Variants in CEP41 observed in about 807,000 individuals in gnomAD.
CEP41 encodes centrosomal protein 41.
A neutral mutation model predicts 44.3 loss-of-function variants in CEP41; 32 were observed. The ratio of observed to expected loss-of-function variants is 0.72; its 90% CI spans 0.54 to 0.97. CEP41 has a LOEUF of 0.97. Ranked by LOEUF, CEP41 falls within the 50% of genes least tolerant of loss-of-function variation. The probability of loss-of-function intolerance (pLI) is 0.00; values close to 1 mark genes in which losing one functional copy is unlikely to be tolerated. For synonymous variants in CEP41, 151 were observed against 168.5 expected (o/e 0.90, Z 0.80); for missense variants, 432 against 455.2 (o/e 0.95, Z 0.46).
In CEP41 at chr7:130,396,219, G is replaced by C. The variant is rs1554414461; in HGVS notation, c.*2672C>G. On this transcript the variant is annotated 3_prime_UTR_variant, in exon 11 of 11. Transcript: ENST00000223208. Reference sequence around the variant, plus strand: ...GTTGTACATCGATGAAGCACCTTCTGTCTCAGGGTTCACAAGCCCCAGACA... The same window carrying C: ...GTTGTACATCGATGAAGCACCTTCTCTCTCAGGGTTCACAAGCCCCAGACA... 2 of 453,858 alleles carry C rather than the reference G, an allele frequency of 4.4e-6. No homozygotes were observed. The highest frequency in any genetic ancestry group is 2.0e-5 in the African/African-American group (1 of 49,948). The allele number at this position is 453,858 out of a possible 1,614,324, so 28.1% of individuals were successfully genotyped here.
chr7:130,422,046 C>G, intron 2 of CEP41: 1 of 1,534,434 alleles, frequency 6.5e-7, no homozygotes, highest in Non-Finnish European at 8.7e-7. Context: ...CAAAATAATT[C>G]TGAGATTTCT....
At chr7:130,408,311 A>AT (rs1359551017) in intron 5 of CEP41, among the ~76,000 whole-genome samples, 12 of 152,114 alleles carry the variant, frequency 7.9e-5, no homozygotes, top group Admixed American at 7.2e-4. Flanking sequence ...ACTAATCAAG[A>AT]TTTTTTCTCA....
chr7:130,424,949 A>G (rs1206991370), intron 2 of CEP41, among the ~76,000 whole-genome samples: 2 of 152,254 alleles, frequency 1.3e-5, no homozygotes, highest in African/African-American at 2.4e-5. Context: ...TGCAAACCAT[A>G]TATCTGACAA....
intron 3 of CEP41, among the ~76,000 whole-genome samples, chr7:130,416,318 G>C: frequency 6.6e-6 from 1 of 152,196 alleles, no homozygotes; most frequent in Non-Finnish European, 1.5e-5. Flanking sequence ...ATCAGTTTTG[G>C]ATGCAGACTG....
chr7:130,416,801 T>C (rs1797350873), intron 3 of CEP41, 118 bp downstream of exon 3: 1 of 838,616 alleles, frequency 1.2e-6, no homozygotes, highest in East Asian at 2.4e-5. Flanking sequence ...GCTAGGCTTA[T>C]CGGACCATCC....
At chr7:130,424,660 G>A (rs1797607287) in intron 2 of CEP41, among the ~76,000 whole-genome samples, 1 of 151,870 alleles carries the variant, frequency 6.6e-6, no homozygotes, top group Non-Finnish European at 1.5e-5. Context: ...ATATCCGTAA[G>A]CAAAAACTTA....
upstream of CEP41, chr7:130,441,222 C>T (rs1443210473): frequency 1.1e-5 from 6 of 538,016 alleles, no homozygotes; most frequent in Admixed American, 2.3e-5. Flanking sequence ...GGCTGGGGCT[C>T]GCCGGCTCCA....
chr7:130,440,277 C>T (rs1798107611), intron 1 of CEP41, among the ~76,000 whole-genome samples: 1 of 152,190 alleles, frequency 6.6e-6, no homozygotes, highest in African/African-American at 2.4e-5. Context: ...CCTCGGCCTC[C>T]CAAAGTGCTG....
chr7:130,419,064 C>A lies in CEP41; in HGVS notation c.98-2098G>T. ...TTACAAACATTTCAGGGTAATTACA[C>A]TTAACACTTTATTTTGTATCAGCTG... On this transcript the variant is annotated intron_variant, in intron 2 of 10. Coordinates refer to ENST00000223208, the MANE Select transcript of CEP41 (RefSeq NM_018718.3). The A allele has an allele frequency of 4.1e-6, 4 of 985,450 alleles. No homozygotes were observed. The South Asian group carries it at 1.4e-4, about 35-fold the overall frequency. The allele number at this position is 985,450 out of a possible 1,614,324, so 61.0% of individuals were successfully genotyped here.
In CEP41 at chr7:130,397,365, A is replaced by G. The variant is rs1554415126; in HGVS notation, c.*1526T>C. 2.0e-5 allele frequency: 9 copies of G among 454,514 alleles called. No homozygotes were observed. The highest frequency in any genetic ancestry group is 1.4e-4 in the South Asian group (9 of 64,464). The allele number at this position is 454,514 out of a possible 1,614,324, so 28.2% of individuals were successfully genotyped here. On this transcript the variant is annotated 3_prime_UTR_variant, in exon 11 of 11. Coordinates refer to ENST00000223208, the MANE Select transcript of CEP41 (RefSeq NM_018718.3). ...GCATCGGAAAATGTTGCACTTTGGA[A>G]ATCAAGTAGAGAAGAATAAACACAC...
At chr7:130,427,927 T>A (rs201080613) in intron 2 of CEP41, 28 bp downstream of exon 2, 425 of 1,496,350 alleles carry the variant, frequency 2.8e-4, no homozygotes, top group Non-Finnish European at 3.6e-4. Context: ...AGATTTTTTT[T>A]AATTCTAATT....
At position 130,395,783 on chromosome 7, in the gene CEP41, A is replaced by G. The variant is rs1796639630; in HGVS notation, c.*3108T>C. On this transcript the variant is annotated 3_prime_UTR_variant, in exon 11 of 11. Coordinates refer to ENST00000223208, the MANE Select transcript of CEP41 (RefSeq NM_018718.3). ...TAATTTAAATAGCACCACAGGAAAA[A>G]TCCCTGAGCAACTAATGAATGTTAT... is the stretch of plus-strand genomic sequence containing the variant. 4.4e-6 allele frequency: 2 copies of G among 453,802 alleles called. No individual in the cohort carries two copies. Among genetic ancestry groups the G allele is most frequent in the Non-Finnish European group, 8.8e-6 (2 of 226,742 alleles). The allele number at this position is 453,802 out of a possible 1,614,324, so 28.1% of individuals were successfully genotyped here.
rs1406880472 is a variant in CEP41, at chr7:130,419,529, C to T, written c.98-2563G>A. On this transcript the variant is annotated intron_variant, in intron 2 of 10. Coordinates refer to ENST00000223208, the MANE Select transcript of CEP41 (RefSeq NM_018718.3). ...ATAATTCACTTATTTATAAACATGG[C>T]TTTGTTTCATACAAAAGAAGCCTAA... 5.1e-6 allele frequency: 5 copies of T among 984,532 alleles called. No individual in the cohort carries two copies. The African/African-American group carries it at 8.8e-5, about 17-fold the overall frequency. The allele number at this position is 984,532 out of a possible 1,614,324, so 61.0% of individuals were successfully genotyped here. A position where few individuals can be genotyped will look rare whatever the true frequency, so the allele number is the denominator to read the frequency against.
rs1363530179 is a variant in CEP41, at chr7:130,440,535, C to T, written c.33+399G>A. Reference sequence around the variant, plus strand: ...TTTCCAAAGGTTTGGTCAGCTTACTCCTGCTCTTCCTGTATCCCCACAATC... The same window carrying T: ...TTTCCAAAGGTTTGGTCAGCTTACTTCTGCTCTTCCTGTATCCCCACAATC... On this transcript the variant is annotated intron_variant, in intron 1 of 10. Coordinates refer to ENST00000223208, the MANE Select transcript of CEP41 (RefSeq NM_018718.3). 7.4e-6 allele frequency: 3 copies of T among 404,078 alleles called. No homozygotes were observed. The East Asian group carries it at 1.7e-4, about 23-fold the overall frequency. The allele number at this position is 404,078 out of a possible 1,614,324, so 25.0% of individuals were successfully genotyped here.
chr7:130,416,935 G>A lies in CEP41; in HGVS notation c.129C>T (p.Leu43=), dbSNP rs1727964578. The A allele has an allele frequency of 6.3e-7, 1 of 1,590,120 alleles. No individual in the cohort carries two copies. Among genetic ancestry groups the A allele is most frequent in the Non-Finnish European group, 8.6e-7 (1 of 1,158,356 alleles). ...GNSMTKYTEK[L]EEIKKNYRYK... is the part of the protein sequence containing the mutation. Reference sequence around the variant, plus strand: ...GTTACTTACTTTTCTTAATCTCTTCGAGCTTCTCAGTATATTTAGTCATAC... The same window carrying A: ...GTTACTTACTTTTCTTAATCTCTTCAAGCTTCTCAGTATATTTAGTCATAC... Residue 43 remains leucine, a synonymous_variant, in exon 3 of 11, where the codon CTC becomes CTT. Transcript: ENST00000223208.
At chr7:130,411,304 G>A in intron 4 of CEP41, 113 bp from the exon 5 acceptor site, 1 of 859,134 alleles carries the variant, frequency 1.2e-6, no homozygotes, top group East Asian at 2.5e-5. Context: ...GTTGTTTTAA[G>A]AAGCTGTCAG....
intron 10 of CEP41, 173 bp from the exon 11 acceptor site, chr7:130,399,212 GC>G: frequency 2.7e-6 from 2 of 738,420 alleles, no homozygotes; most frequent in Non-Finnish European, 4.5e-6. Flanking sequence ...CTTGAGATCA[GC>G]CTGAAGGTGG....
chr7:130,426,748 G>A (rs1045421973), intron 2 of CEP41: 7 of 445,522 alleles, frequency 1.6e-5, no homozygotes, highest in Admixed American at 1.5e-4. Flanking sequence ...GGAAATACAG[G>A]AACAGTACGG....
chr7:130,426,247 A>G (rs1416545762), intron 2 of CEP41, among the ~76,000 whole-genome samples: 3 of 152,242 alleles, frequency 2.0e-5, no homozygotes, highest in Non-Finnish European at 4.4e-5. Context: ...AGCCAGTTTA[A>G]AAATCTCAGG....
Sources: allele counts gnomAD v4.1 joint callset (sites outside exome capture counted in the v4.1 genomes callset), GRCh38; gene constraint gnomAD v4.1.1; transcripts MANE v1.5; gene names NCBI Gene and HGNC (gene_info 2026-07-23, HGNC 2026-07-21).